The following PPP2R3A variants were observed in gnomAD, a reference collection of about 807,000 sequenced individuals.
PPP2R3A encodes the protein serine/threonine-protein phosphatase 2A regulatory subunit B'' subunit alpha.
PPP2R3A carries 80 observed loss-of-function variants against 106.9 expected under a neutral mutation model. The observed-to-expected ratio is 0.75, with a 90% confidence interval of 0.62 to 0.90. PPP2R3A has a LOEUF of 0.90. Ranked by LOEUF, PPP2R3A falls within the 40% of genes least tolerant of loss-of-function variation. The pLI, the probability that PPP2R3A is intolerant of heterozygous loss-of-function variation, is 0.00. For synonymous variants in PPP2R3A, 483 were observed against 468.3 expected, an observed-to-expected ratio of 1.03 and a Z score of -0.41; for missense variants, 1,386 against 1,350.4, an observed-to-expected ratio of 1.03 and a Z score of -0.41.
chr3:136,147,857 C>T lies in PPP2R3A; in HGVS notation c.*2691C>T, dbSNP rs1013696416. 1 of 152,154 alleles carries T rather than the reference C, an allele frequency of 6.6e-6. No homozygotes were observed. Among genetic ancestry groups the T allele is most frequent in the Non-Finnish European group, 1.5e-5 (1 of 68,016 alleles). The allele number at this position is 152,154 out of a possible 1,614,324, so 9.4% of individuals were successfully genotyped here. A position where few individuals can be genotyped will look rare whatever the true frequency, so the allele number is the denominator to read the frequency against. The stretch of plus-strand genomic sequence containing the variant: ...GAGAAGGCTGCATGACTTTGTTTTT[C>T]CCTTTTAGCAAAACTAAATAAAGTT... On this transcript the variant is annotated 3_prime_UTR_variant, in exon 14 of 14. Transcript: ENST00000264977.
intron 1 of PPP2R3A, among the ~76,000 whole-genome samples, chr3:135,996,199 A>G (rs1312842459): frequency 1.3e-5 from 2 of 152,212 alleles, no homozygotes; most frequent in Non-Finnish European, 2.9e-5. Context: ...AAAATACTGT[A>G]GCTCAATAAT....
At chr3:136,093,439 A>T (rs1008080587) in intron 10 of PPP2R3A, among the ~76,000 whole-genome samples, 2 of 152,196 alleles carry the variant, frequency 1.3e-5, no homozygotes, top group Admixed American at 6.5e-5. Flanking sequence ...ACTTTTGTGC[A>T]TCAAAAGATA....
At chr3:136,058,802 T>C (rs1935971690) in intron 5 of PPP2R3A, among the ~76,000 whole-genome samples, 1 of 152,150 alleles carries the variant, frequency 6.6e-6, no homozygotes. Flanking sequence ...AACAGATACA[T>C]AGACCAATGG....
In PPP2R3A at chr3:136,026,987, A is replaced by G; in HGVS notation, c.2151A>G (p.Gly717=). 6.2e-7 allele frequency: 1 copy of G among 1,612,848 alleles called. No individual in the cohort carries two copies. The highest frequency in any genetic ancestry group is 8.5e-7 in the Non-Finnish European group (1 of 1,178,976). The change falls in exon 3 of 14, where the codon GGA becomes GGG. Residue 717 remains glycine, a synonymous_variant. Transcript: ENST00000264977. ...TTCCACGGTTCTACTTTCCTGAAGG[A>G]CTCCCAGATACCTGTAGTAATCATG... is the stretch of plus-strand genomic sequence containing the variant. The part of the protein sequence containing the change: ...INIPRFYFPE[G]LPDTCSNHEQ...
At chr3:135,968,386 C>G (rs1035918110) in intron 1 of PPP2R3A, among the ~76,000 whole-genome samples, 3 of 152,046 alleles carry the variant, frequency 2.0e-5, no homozygotes, top group Non-Finnish European at 4.4e-5. Flanking sequence ...GGGAAGTGAC[C>G]TTTGAGGTGG....
intron 5 of PPP2R3A, among the ~76,000 whole-genome samples, chr3:136,058,045 C>T (rs929129218): frequency 3.3e-5 from 5 of 152,092 alleles, no homozygotes; most frequent in Non-Finnish European, 7.4e-5. Context: ...ACAGAATCAA[C>T]CTAAGTATCA....
intron 11 of PPP2R3A, among the ~76,000 whole-genome samples, 190 bp downstream of exon 11, chr3:136,102,372 A>G (rs1215712612): frequency 1.6e-5 from 2 of 126,488 alleles, no homozygotes; most frequent in Admixed American, 9.3e-5. Context: ...TTTGAGATGC[A>G]GTCTCGCTTT....
At chr3:136,070,427 GC>G in intron 5 of PPP2R3A, 50 bp from the exon 6 acceptor site, 1 of 1,474,024 alleles carries the variant, frequency 6.8e-7, no homozygotes. Context: ...ACTTCCATAG[GC>G]ATAATTTTTG....
chr3:136,132,819 C>G (rs1387638379), intron 13 of PPP2R3A, among the ~76,000 whole-genome samples: 2 of 151,798 alleles, frequency 1.3e-5, no homozygotes, highest in African/African-American at 4.8e-5. Flanking sequence ...TTTAAAAGAA[C>G]AAAGTTGAAG....
chr3:136,028,574 A>C (rs16843653), intron 3 of PPP2R3A, among the ~76,000 whole-genome samples: 4,866 of 152,314 alleles, frequency 0.032, 267 homozygotes, highest in African/African-American at 0.11. Flanking sequence ...ATCTCCCTGG[A>C]CATGTGGTAA....
chr3:136,079,808 A>C (rs548551070), intron 7 of PPP2R3A, among the ~76,000 whole-genome samples: 1 of 151,934 alleles, frequency 6.6e-6, no homozygotes, highest in Non-Finnish European at 1.5e-5. Flanking sequence ...GATTTGTATA[A>C]GATCACACAA....
At chr3:135,976,774 A>C (rs573248774) in intron 1 of PPP2R3A, among the ~76,000 whole-genome samples, 1 of 152,146 alleles carries the variant, frequency 6.6e-6, no homozygotes, top group Admixed American at 6.5e-5. Flanking sequence ...TTCTGCCCCA[A>C]AGATACACAT....
intron 13 of PPP2R3A, among the ~76,000 whole-genome samples, chr3:136,123,537 C>CAA (rs1226717681): frequency 1.3e-5 from 2 of 152,100 alleles, no homozygotes; most frequent in Non-Finnish European, 2.9e-5. Context: ...AATCAAAGGG[C>CAA]AAACTGGGTT....
intron 1 of PPP2R3A, among the ~76,000 whole-genome samples, chr3:135,966,828 A>C (rs1397569860): frequency 6.6e-6 from 1 of 152,014 alleles, no homozygotes; most frequent in Non-Finnish European, 1.5e-5. Context: ...TTATGTACAA[A>C]ACATCCCCCA....
chr3:136,070,629 A>G (rs1292449836), intron 6 of PPP2R3A, 77 bp downstream of exon 6: 15 of 1,234,202 alleles, frequency 1.2e-5, no homozygotes, highest in Non-Finnish European at 1.6e-5. Context: ...CAGAATTTCA[A>G]GTATCTATGC....
At position 136,103,342 on chromosome 3, in the gene PPP2R3A, A is replaced by C. The variant is rs371544651; in HGVS notation, c.3188A>C (p.Asp1063Ala). 13 of 1,608,036 alleles carry C rather than the reference A, an allele frequency of 8.1e-6. No individual in the cohort carries two copies. The highest frequency in any genetic ancestry group is 1.1e-5 in the Non-Finnish European group (13 of 1,175,000). ...TTCTTTAATCTGGAGAAATACTTAG[A>C]CCATGAACAGAGAGATCCCTTTGCG... ...DTFFNLEKYL[D>A]HEQRDPFAVQ... Residue 1063 changes from aspartate (D) to alanine (A), a missense_variant, in exon 12 of 14, where the codon GAC becomes GCC. Transcript: ENST00000264977.
chr3:136,101,191 A>G (rs1192079812), intron 10 of PPP2R3A, among the ~76,000 whole-genome samples: 1 of 152,204 alleles, frequency 6.6e-6, no homozygotes, highest in Non-Finnish European at 1.5e-5. Context: ...CATGGAACTG[A>G]GTGTGGATTT....
chr3:136,099,528 C>G (rs1464424276), intron 10 of PPP2R3A, among the ~76,000 whole-genome samples: 1 of 152,070 alleles, frequency 6.6e-6, no homozygotes, highest in Non-Finnish European at 1.5e-5. Flanking sequence ...CCAAAAAGCT[C>G]TTTGAGTAAT....
chr3:136,089,115 T>G (rs1208278297), intron 9 of PPP2R3A, among the ~76,000 whole-genome samples: 1 of 152,200 alleles, frequency 6.6e-6, no homozygotes, highest in Non-Finnish European at 1.5e-5. Flanking sequence ...TTTTTGGTTG[T>G]GTTGCAGTTG....
Sources: gnomAD v4.1 joint callset for allele counts (sites outside exome capture counted in the v4.1 genomes callset) on GRCh38, gnomAD v4.1.1 for gene constraint, MANE v1.5 for transcripts, NCBI Gene and HGNC (gene_info 2026-07-23, HGNC 2026-07-21) for gene names.